ZNF736: variants seen among roughly 807,000 people sequenced by gnomAD.
ZNF736 encodes KRAB-containing zinc-finger repressor protein.
A neutral mutation model predicts 11.7 loss-of-function variants in ZNF736; 6 were observed. That is an observed-to-expected ratio of 0.51 (90% CI 0.28 to 1.01). The LOEUF is 1.01. Among genes scored for constraint, ZNF736 ranks in the 50% least tolerant of loss-of-function variants. ZNF736 has a pLI of 0.09. For synonymous variants in ZNF736, 139 were observed against 164.7 expected (o/e 0.84, Z 1.19); for missense variants, 444 against 496.0 (o/e 0.90, Z 1.00).
intron 3 of ZNF736, among the ~76,000 whole-genome samples, chr7:64,346,513 T>C (rs2115964385): frequency 6.6e-6 from 1 of 152,158 alleles, no homozygotes; most frequent in African/African-American, 2.4e-5. Context: ...TGTCATCCTG[T>C]TCCCTTCTTG....
At chr7:64,338,183 C>T (rs180918519) in intron 3 of ZNF736, among the ~76,000 whole-genome samples, 1 of 152,220 alleles carries the variant, frequency 6.6e-6, no homozygotes, top group African/African-American at 2.4e-5. Flanking sequence ...TTTATATACG[C>T]ATGTGTATGA....
At position 64,348,406 on chromosome 7, in the gene ZNF736, CTG is replaced by C; in HGVS notation, c.545_546del (p.Cys182Ter). 2 of 1,550,652 alleles carry C rather than the reference CTG, an allele frequency of 1.3e-6. No individual in the cohort carries two copies. The highest frequency in any genetic ancestry group is 1.7e-6 in the Non-Finnish European group (2 of 1,146,808). ...ACAAATGTGAAGAATGTGGCAAAGA[CTG>C]TAGGTTGTTCTCAGATTTTACTAGA... ...CHKCEECGKD[C>X]RLFSDFTRHK... On this transcript the variant is annotated frameshift_variant, in exon 4 of 4. Transcript: ENST00000423484. LOFTEE classifies it low-confidence loss of function (END_TRUNC).
intron 1 of ZNF736, among the ~76,000 whole-genome samples, chr7:64,321,078 A>C (rs1200750712): frequency 6.6e-6 from 1 of 152,202 alleles, no homozygotes; most frequent in Non-Finnish European, 1.5e-5. Context: ...GCAGTGTACC[A>C]GGTCTAAGTG....
intron 1 of ZNF736, among the ~76,000 whole-genome samples, chr7:64,332,257 C>T (rs1342155703): frequency 6.6e-6 from 1 of 152,034 alleles, no homozygotes; most frequent in Non-Finnish European, 1.5e-5. Flanking sequence ...CCATAAGTGT[C>T]GGCCGGCTGA....
At chr7:64,319,554 C>T (rs1355255169) in intron 1 of ZNF736, among the ~76,000 whole-genome samples, 1 of 119,404 alleles carries the variant, frequency 8.4e-6, no homozygotes, top group Non-Finnish European at 1.6e-5. Flanking sequence ...GGAGTGCAGT[C>T]GAGCGGTCTT....
rs1789435113 is a variant in ZNF736, at chr7:64,348,076, T to C, written c.227-14T>C. ...CTGAGTCTAATGAGGGAGAATTTTA[T>C]TTTTTTTCTCCAGCTGGTTCTTTTC... On this transcript the variant is annotated splice_polypyrimidine_tract_variant and intron_variant, in intron 3 of 3. Transcript: ENST00000423484. 6.8e-7 allele frequency: 1 copy of C among 1,471,808 alleles called. No homozygotes were observed. Among genetic ancestry groups the C allele is most frequent in the African/African-American group, 1.4e-5 (1 of 70,034 alleles). The allele number at this position is 1,471,808 out of a possible 1,614,324, so 91.2% of individuals were successfully genotyped here.
chr7:64,342,035 T>C (rs1340069679), intron 3 of ZNF736, among the ~76,000 whole-genome samples: 1 of 152,216 alleles, frequency 6.6e-6, no homozygotes, highest in East Asian at 1.9e-4. Context: ...ATTAAGCTTT[T>C]GAATTCTTTA....
rs193153132 is a variant in ZNF736, at chr7:64,337,575, G to T, written c.226+593G>T. On this transcript the variant is annotated intron_variant, in intron 3 of 3. Coordinates refer to ENST00000423484, the MANE Select transcript of ZNF736 (RefSeq NM_001170905.3). ...TAAATGAAACAAACTCTAAAATTGT[G>T]TTACTTCAAATGTTATTCTTTTCAT... Among the ~76,000 whole-genome samples the T allele has an allele frequency of 3.8e-3, 574 of 152,058 alleles. 2 individuals are homozygous for T. Among genetic ancestry groups the T allele is most frequent in the Middle Eastern group, 6.8e-3 (2 of 294 alleles).
intron 3 of ZNF736, among the ~76,000 whole-genome samples, chr7:64,340,494 A>G (rs769713310): frequency 2.0e-5 from 3 of 152,170 alleles, no homozygotes; most frequent in Non-Finnish European, 4.4e-5. Flanking sequence ...CTATATGAGG[A>G]CCTGCCTTTT....
chr7:64,337,662 T>A (rs1789272920), intron 3 of ZNF736, among the ~76,000 whole-genome samples: 1 of 152,190 alleles, frequency 6.6e-6, no homozygotes, highest in African/African-American at 2.4e-5. Flanking sequence ...GTTCATTGTA[T>A]CTACTTCATA....
At chr7:64,341,280 A>C (rs1789333792) in intron 3 of ZNF736, among the ~76,000 whole-genome samples, 1 of 151,058 alleles carries the variant, frequency 6.6e-6, no homozygotes, top group South Asian at 2.1e-4. Flanking sequence ...AGTTTTGGAA[A>C]TTTATTTCTT....
intron 1 of ZNF736, among the ~76,000 whole-genome samples, chr7:64,318,965 A>T (rs1026804168): frequency 1.3e-5 from 2 of 152,154 alleles, no homozygotes; most frequent in Non-Finnish European, 2.9e-5. Flanking sequence ...TGTGCTCTTC[A>T]AGGGGTCTCA....
chr7:64,334,773 A>C (rs1789221210), intron 1 of ZNF736, among the ~76,000 whole-genome samples: 1 of 152,170 alleles, frequency 6.6e-6, no homozygotes, highest in African/African-American at 2.4e-5. Context: ...TGACCCAGCA[A>C]TCTCATTACT....
In ZNF736 at chr7:64,332,985, C is replaced by T. The variant is rs545838227; in HGVS notation, c.4-3274C>T. On this transcript the variant is annotated intron_variant, in intron 1 of 3. Coordinates refer to ENST00000423484, the MANE Select transcript of ZNF736 (RefSeq NM_001170905.3). ...ATTGTTTAAACACATGTTTTACAAT[C>T]AGTTTGTACAGTTAACACAATTATT... 1.0e-3 allele frequency among the ~76,000 whole-genome samples: 152 copies of T among 152,264 alleles called. 1 individual carries two copies. Among genetic ancestry groups the T allele is most frequent in the Non-Finnish European group, 1.4e-3 (98 of 68,028 alleles).
chr7:64,345,732 T>TTAAA (rs374294395), intron 3 of ZNF736, among the ~76,000 whole-genome samples: 1 of 82,884 alleles, frequency 1.2e-5, no homozygotes, highest in Non-Finnish European at 2.2e-5. Context: ...TACTCCATCT[T>TTAAA]AAAAAAAAAA....
rs1226722615 is a variant in ZNF736, at chr7:64,314,023, G to C, written c.-128G>C. 2 of 1,325,050 alleles carry C rather than the reference G, an allele frequency of 1.5e-6. No homozygotes were observed. The highest frequency in any genetic ancestry group is 1.1e-6 in the Non-Finnish European group (1 of 945,902). 82.1% of individuals were successfully genotyped at this position (1,325,050 alleles called of 1,614,324 possible). A position where few individuals can be genotyped will look rare whatever the true frequency, so the allele number is the denominator to read the frequency against. On this transcript the variant is annotated 5_prime_UTR_variant, in exon 1 of 4. Transcript: ENST00000423484. ...CTTCCGGGCTCTGATCCTAGTTCGCGTCTCCACTGTTCCATCTCCTCCGTT... is the reference window on the plus strand; with the variant it reads ...CTTCCGGGCTCTGATCCTAGTTCGCCTCTCCACTGTTCCATCTCCTCCGTT...
In ZNF736 at chr7:64,348,252, A is replaced by G; in HGVS notation, c.389A>G (p.Tyr130Cys). 4 of 1,552,014 alleles carry G rather than the reference A, an allele frequency of 2.6e-6. No individual in the cohort carries two copies. Among genetic ancestry groups the G allele is most frequent in the Non-Finnish European group, 3.5e-6 (4 of 1,146,926 alleles). ...VGNCKGQKSS[Y>C]NGLHQCLSAT... ...AATTGCAAGGGGCAGAAAAGCAGTT[A>G]TAATGGCCTTCATCAATGTTTGTCA... The change falls in exon 4 of 4, where the codon TAT becomes TGT. Residue 130 changes from tyrosine to cysteine, a missense_variant. Tyr to Cys is a radical substitution (Grantham distance 194). Transcript: ENST00000423484.
chr7:64,319,357 A>G (rs867247134), intron 1 of ZNF736, among the ~76,000 whole-genome samples: 1,368 of 123,708 alleles, frequency 0.011, 106 homozygotes, highest in Non-Finnish European at 0.017. Flanking sequence ...ATATATATAT[A>G]TATATATATA....
Position 64,314,064 on chromosome 7 carries a change from T to C in ZNF736, c.-87T>C. On this transcript the variant is annotated 5_prime_UTR_variant, in exon 1 of 4. Transcript: ENST00000423484. ...CTCCTCCGTTCCTGGAGTTCCTCGG[T>C]GACTCTACTATAGCTTCTGTTATCC... is the stretch of plus-strand genomic sequence containing the variant. 6.5e-7 allele frequency: 1 copy of C among 1,533,784 alleles called. No individual in the cohort carries two copies. The highest frequency in any genetic ancestry group is 8.8e-7 in the Non-Finnish European group (1 of 1,131,236).
Sources: gnomAD v4.1 joint callset for allele counts (sites outside exome capture counted in the v4.1 genomes callset) on GRCh38, gnomAD v4.1.1 for gene constraint, MANE v1.5 for transcripts, NCBI Gene and HGNC (gene_info 2026-07-23, HGNC 2026-07-21) for gene names.